The following SKI variants were observed in gnomAD, a reference collection of about 807,000 sequenced individuals.
SKI encodes the protein SKI proto-oncogene, also known as ski oncogene.
A neutral mutation model predicts 59.3 loss-of-function variants in SKI; 23 were observed. The observed-to-expected ratio is 0.39, with a 90% CI of 0.28 to 0.55. The LOEUF (loss-of-function observed/expected upper bound fraction) is 0.55. Ranked by LOEUF, SKI falls within the 20% of genes least tolerant of loss-of-function variation. The pLI is 0.67. For synonymous variants in SKI, 673 were observed against 488.6 expected (o/e 1.38, Z -4.98); for missense variants, 1,017 against 1,038.9 (o/e 0.98, Z 0.29).
At chr1:2,302,491 C>A (rs1221286785) in intron 1 of SKI, among the ~76,000 whole-genome samples, 2 of 152,190 alleles carry the variant, frequency 1.3e-5, no homozygotes, top group African/African-American at 2.4e-5. Context: ...GCTGCCCTTC[C>A]CAGACGCATC....
Position 2,306,715 on chromosome 1 carries a change from G to A in SKI, c.2137G>A (p.Ala713Thr). ...GCTGCAGGAACAGCTGTGGCCGCGG[G>A]CCCGCCCCGAGGCTGCGGGCAGCGA... The part of the protein sequence containing the change: ...KELQEQLWPR[A>T]RPEAAGSEGA... Residue 713 changes from alanine (A) to threonine (T), a missense_variant, in exon 7 of 7, where the codon GCC becomes ACC. Transcript: ENST00000378536. The A allele has an allele frequency of 6.5e-7, 1 of 1,537,378 alleles. No homozygotes were observed. The highest frequency in any genetic ancestry group is 8.7e-7 in the Non-Finnish European group (1 of 1,142,988).
At chr1:2,279,379 C>T (rs1001795781) in intron 1 of SKI, among the ~76,000 whole-genome samples, 3 of 152,184 alleles carry the variant, frequency 2.0e-5, no homozygotes, top group Non-Finnish European at 4.4e-5. Flanking sequence ...TCCCTTCCCC[C>T]ATTTCCTTCC....
intron 1 of SKI, among the ~76,000 whole-genome samples, chr1:2,302,534 G>T (rs953838690): frequency 1.1e-4 from 16 of 152,082 alleles, no homozygotes; most frequent in Non-Finnish European, 1.0e-4. Context: ...GCTGTGGCTG[G>T]TTGAGCTGAG....
In SKI at chr1:2,270,473, G is replaced by T. The variant is rs1639592683; in HGVS notation, c.970-32505G>T. 2.0e-5 allele frequency among the ~76,000 whole-genome samples: 3 copies of T among 152,214 alleles called. No homozygotes were observed. The highest frequency in any genetic ancestry group is 2.0e-4 in the Admixed American group (3 of 15,288). On this transcript the variant is annotated intron_variant, in intron 1 of 6. Coordinates refer to ENST00000378536, the MANE Select transcript of SKI (RefSeq NM_003036.4). This position sits in a 1 kb window ranked among gnomAD's most constrained non-coding sequence, Gnocchi z 4.1. ...CTTTGTCCCGTTTACGAGAGGTCAG[G>T]CGGTCACAGGGTAATGGGAGGCCTG...
rs1639544067 is a variant in SKI, at chr1:2,268,412, TGGC to T, written c.970-34564_970-34562del. On this transcript the variant is annotated intron_variant, in intron 1 of 6. Transcript: ENST00000378536. This position sits in a 1 kb window ranked among gnomAD's most constrained non-coding sequence, Gnocchi z 5.0. ...ACCCGTGCTTCCTGCAGGCTCTGCG[TGGC>T]GCTGATGGAGGGCCTCTTGTTAAGG... Among the ~76,000 whole-genome samples, 1 of 152,182 alleles carries T rather than the reference TGGC, an allele frequency of 6.6e-6. No homozygotes were observed.
chr1:2,303,555 G>A lies in SKI; in HGVS notation c.1211+155G>A. On this transcript the variant is annotated intron_variant, in intron 3 of 6. Coordinates refer to ENST00000378536, the MANE Select transcript of SKI (RefSeq NM_003036.4). The surrounding 1 kb of genome is among the most constrained non-coding windows in gnomAD (Gnocchi z 5.6). ...GTGTTGGTTCCTTTGGCTGGCATCA[G>A]GGAGAGCACACCTAGAGCGTTCCCT... 1.4e-6 allele frequency: 1 copy of A among 731,200 alleles called. No individual in the cohort carries two copies. Among genetic ancestry groups the A allele is most frequent in the Non-Finnish European group, 2.3e-6 (1 of 442,804 alleles). The allele number at this position is 731,200 out of a possible 1,614,324, so 45.3% of individuals were successfully genotyped here. A position where few individuals can be genotyped will look rare whatever the true frequency, so the allele number is the denominator to read the frequency against.
chr1:2,291,461 A>G (rs950573423), intron 1 of SKI, among the ~76,000 whole-genome samples: 1 of 152,208 alleles, frequency 6.6e-6, no homozygotes, highest in African/African-American at 2.4e-5. Context: ...TAGGGTCGTC[A>G]TGGAGCCCAT....
intron 1 of SKI, among the ~76,000 whole-genome samples, chr1:2,241,321 G>A (rs1055757710): frequency 1.3e-5 from 2 of 152,136 alleles, no homozygotes; most frequent in South Asian, 2.1e-4. Flanking sequence ...CATGTATCCC[G>A]TTCACCAGTT....
intron 1 of SKI, among the ~76,000 whole-genome samples, chr1:2,299,870 A>G (rs1428182381): frequency 6.6e-6 from 1 of 151,900 alleles, no homozygotes; most frequent in Non-Finnish European, 1.5e-5. Flanking sequence ...ATTTTTGGAG[A>G]GCGTCTTTTC....
chr1:2,303,609 C>G lies in SKI; in HGVS notation c.1211+209C>G. 1.4e-6 allele frequency: 1 copy of G among 697,042 alleles called. No individual in the cohort carries two copies. The highest frequency in any genetic ancestry group is 2.4e-6 in the Non-Finnish European group (1 of 417,926). 43.2% of individuals were successfully genotyped at this position (697,042 alleles called of 1,614,324 possible). A position where few individuals can be genotyped will look rare whatever the true frequency, so the allele number is the denominator to read the frequency against. On this transcript the variant is annotated intron_variant, in intron 3 of 6. Transcript: ENST00000378536. This position sits in a 1 kb window ranked among gnomAD's most constrained non-coding sequence, Gnocchi z 5.6. ...TTCTGGGTGGAGTCGTGGGTGGAGC[C>G]CTGTCTGCTGGGCGCAGCTTCTTGA...
intron 1 of SKI, among the ~76,000 whole-genome samples, chr1:2,285,757 G>A (rs115279459): frequency 0.032 from 4,815 of 150,502 alleles, 267 homozygotes; most frequent in African/African-American, 0.11. Flanking sequence ...AGAGATGGGG[G>A]TTTTTACCAT....
At chr1:2,260,258 T>C (rs116792223) in intron 1 of SKI, among the ~76,000 whole-genome samples, 147 of 152,334 alleles carry the variant, frequency 9.6e-4, no homozygotes, top group African/African-American at 3.4e-3. Flanking sequence ...TCCCCAATCG[T>C]TGAGAACGTA....
chr1:2,259,410 G>A (rs1639336381), intron 1 of SKI, among the ~76,000 whole-genome samples: 1 of 152,204 alleles, frequency 6.6e-6, no homozygotes, highest in African/African-American at 2.4e-5. Flanking sequence ...TCTGAGGTCA[G>A]CGACAGAAGC....
rs1461746486 is a variant in SKI, at chr1:2,307,018, C to T, written c.*253C>T. On this transcript the variant is annotated 3_prime_UTR_variant, in exon 7 of 7. Transcript: ENST00000378536. ...GGGGCCAGCTCGGCGGCCTGCTGGT[C>T]CTCTGCTTGCTGGAACATTCTAACA... The T allele has an allele frequency of 1.4e-5, 4 of 296,194 alleles. No individual in the cohort carries two copies. The highest frequency in any genetic ancestry group is 2.2e-5 in the African/African-American group (1 of 44,536). The allele number at this position is 296,194 out of a possible 1,614,324, so 18.3% of individuals were successfully genotyped here.
At chr1:2,295,527 C>G (rs1640263261) in intron 1 of SKI, among the ~76,000 whole-genome samples, 1 of 152,222 alleles carries the variant, frequency 6.6e-6, no homozygotes, top group Admixed American at 6.5e-5. Context: ...GCCCCATGCA[C>G]ATGGTCCGTC....
intron 1 of SKI, among the ~76,000 whole-genome samples, chr1:2,251,407 C>T (rs971296726): frequency 6.6e-6 from 1 of 152,170 alleles, no homozygotes; most frequent in Non-Finnish European, 1.5e-5. Context: ...CAGGTGTGAA[C>T]CCCCGCTCCC....
chr1:2,300,191 C>T (rs1273075832), intron 1 of SKI, among the ~76,000 whole-genome samples: 5 of 152,232 alleles, frequency 3.3e-5, no homozygotes, highest in African/African-American at 1.2e-4. Flanking sequence ...TGGGGAAGGA[C>T]CCCAGGAGGG....
intron 1 of SKI, among the ~76,000 whole-genome samples, chr1:2,232,318 G>A (rs770456120): frequency 8.5e-5 from 13 of 152,206 alleles, no homozygotes; most frequent in Non-Finnish European, 1.9e-4. Context: ...TGCCTTCCGG[G>A]TGTTTGTGGC....
chr1:2,304,677 T>A (rs1467558752), intron 5 of SKI, 92 bp downstream of exon 5: 1 of 1,461,024 alleles, frequency 6.8e-7, no homozygotes, highest in East Asian at 2.5e-5. Flanking sequence ...GCCTCCTCCC[T>A]TCCTGGCTGC....
Sources: allele counts gnomAD v4.1 joint callset (sites outside exome capture counted in the v4.1 genomes callset), GRCh38; gene constraint gnomAD v4.1.1; non-coding constraint Gnocchi (gnomAD v3.1); transcripts MANE v1.5; gene names NCBI Gene and HGNC (gene_info 2026-07-23, HGNC 2026-07-21).